Variants in HDAC9 observed in about 807,000 individuals in gnomAD.
HDAC9 encodes histone deacetylase 9.
Under a neutral mutation model 139.4 loss-of-function variants are expected in HDAC9, and 41 were observed. That is an observed-to-expected ratio of 0.29 (90% CI 0.23 to 0.38). The LOEUF (loss-of-function observed/expected upper bound fraction) is 0.38. Among genes scored for constraint, HDAC9 ranks in the 10% least tolerant of loss-of-function variants. The probability of loss-of-function intolerance (pLI) is 1.00; values close to 1 mark genes in which losing one functional copy is unlikely to be tolerated. For missense variants in HDAC9, 1,147 were observed against 1,297.0 expected (o/e 0.88, Z 1.78); for synonymous variants, 517 against 476.2 (o/e 1.09, Z -1.12).
At chr7:18,682,614 A>G (rs1258802432) in intron 12 of HDAC9, among the ~76,000 whole-genome samples, 1 of 152,020 alleles carries the variant, frequency 6.6e-6, no homozygotes, top group Non-Finnish European at 1.5e-5. Context: ...TTTTTTTTAT[A>G]AAGGTCTTTT....
At chr7:18,991,479 T>C (rs1168016629) in intron 25 of HDAC9, among the ~76,000 whole-genome samples, 2 of 151,986 alleles carry the variant, frequency 1.3e-5, no homozygotes, top group African/African-American at 4.8e-5. Flanking sequence ...CTACTAAAAA[T>C]ACAAAAAATT....
At chr7:18,351,961 TGTGTGGAACAGA>T (rs754540715) in intron 1 of HDAC9, among the ~76,000 whole-genome samples, 4 of 152,150 alleles carry the variant, frequency 2.6e-5, no homozygotes, top group Non-Finnish European at 5.9e-5. Flanking sequence ...TTGGAAGGTG[TGTGTGGAACAGA>T]ACAGAACTAG....
rs575358425 is a variant in HDAC9, at chr7:18,706,348, C to G, written c.1732-21232C>G. 2.6e-5 allele frequency among the ~76,000 whole-genome samples: 4 copies of G among 151,890 alleles called. No individual in the cohort carries two copies. The East Asian group carries it at 7.7e-4, about 29-fold the overall frequency. On this transcript the variant is annotated intron_variant, in intron 12 of 25. Transcript: ENST00000686413. ...AGACTTCGTTGATTTTTTTCAATAC[C>G]TACCATGGATCAAGGAAATTTGTTA... is the stretch of plus-strand genomic sequence containing the variant.
At chr7:18,540,273 CAAAAA>C (rs967501382) in intron 2 of HDAC9, among the ~76,000 whole-genome samples, 2 of 43,194 alleles carry the variant, frequency 4.6e-5, no homozygotes, top group East Asian at 7.0e-4. Flanking sequence ...AACTCCATCT[CAAAAA>C]AAAAAAAAAA....
In HDAC9 at chr7:18,537,981, C is replaced by G. The variant is rs539247838; in HGVS notation, c.22+41657C>G. Among the ~76,000 whole-genome samples, 3 of 152,302 alleles carry G rather than the reference C, an allele frequency of 2.0e-5. No homozygotes were observed. The East Asian group carries it at 5.8e-4, about 29-fold the overall frequency. ...CATCATCCTCTGTGCCCAACGTGAC[C>G]TCTGCTCTATTCTGTGCTTCACAAG... On this transcript the variant is annotated intron_variant, in intron 2 of 25. Transcript: ENST00000686413.
intron 1 of HDAC9, among the ~76,000 whole-genome samples, chr7:18,107,067 G>T (rs1783265223): frequency 6.6e-6 from 1 of 152,150 alleles, no homozygotes; most frequent in South Asian, 2.1e-4. Flanking sequence ...AAATGTAGTG[G>T]ACTGGGTATG....
intron 2 of HDAC9, among the ~76,000 whole-genome samples, chr7:18,271,794 G>T (rs989068742): frequency 6.6e-6 from 1 of 152,108 alleles, no homozygotes; most frequent in African/African-American, 2.4e-5. Flanking sequence ...CCTGCCTTCT[G>T]CAGGAATCTA....
chr7:18,477,309 CT>C (rs1795186258), intron 1 of HDAC9, among the ~76,000 whole-genome samples: 1 of 152,154 alleles, frequency 6.6e-6, no homozygotes, highest in African/African-American at 2.4e-5. Context: ...TGAGACCTTA[CT>C]TGGTCCCCAC....
intron 2 of HDAC9, among the ~76,000 whole-genome samples, chr7:18,511,434 A>G (rs1166291463): frequency 6.6e-6 from 1 of 152,146 alleles, no homozygotes; most frequent in Non-Finnish European, 1.5e-5. Flanking sequence ...TTAGATGACT[A>G]CAAACCAAAC....
At chr7:18,218,418 TG>T (rs1229418014) in intron 2 of HDAC9, among the ~76,000 whole-genome samples, 1 of 152,056 alleles carries the variant, frequency 6.6e-6, no homozygotes, top group African/African-American at 2.4e-5. Flanking sequence ...CACTCCAGCC[TG>T]GGAGACAGGG....
intron 1 of HDAC9, among the ~76,000 whole-genome samples, chr7:18,140,748 A>G (rs1158747691): frequency 6.6e-6 from 1 of 152,062 alleles, no homozygotes; most frequent in African/African-American, 2.4e-5. Flanking sequence ...GAACATACAC[A>G]TATATAGAAT....
At chr7:18,762,393 AC>A (rs1789468968) in intron 15 of HDAC9, 116 bp downstream of exon 15, 4 of 1,168,454 alleles carry the variant, frequency 3.4e-6, no homozygotes, top group Admixed American at 2.2e-5. Context: ...AGTTTTTCCA[AC>A]AGCTTTGCTC....
At chr7:18,277,381 C>T (rs1029268358) in intron 2 of HDAC9, among the ~76,000 whole-genome samples, 2 of 152,082 alleles carry the variant, frequency 1.3e-5, no homozygotes, top group Non-Finnish European at 2.9e-5. Context: ...CGAGATGGGG[C>T]AGACAAGCAG....
At chr7:18,971,195 A>T (rs918966815) in intron 24 of HDAC9, among the ~76,000 whole-genome samples, 1 of 152,206 alleles carries the variant, frequency 6.6e-6, no homozygotes, top group Non-Finnish European at 1.5e-5. Context: ...CCAGAAAAAA[A>T]CAAAAACACA....
At chr7:18,234,089 G>T (rs1793654614) in intron 2 of HDAC9, among the ~76,000 whole-genome samples, 1 of 152,168 alleles carries the variant, frequency 6.6e-6, no homozygotes, top group Non-Finnish European at 1.5e-5. Context: ...GGTGATGTGT[G>T]TTAGATTACG....
chr7:18,427,378 T>C (rs1790214001), intron 1 of HDAC9, among the ~76,000 whole-genome samples: 1 of 152,106 alleles, frequency 6.6e-6, no homozygotes, highest in African/African-American at 2.4e-5. Context: ...AACATTTGAA[T>C]GTTAGGTCTC....
At chr7:18,501,350 T>C (rs2128155898) in intron 2 of HDAC9, among the ~76,000 whole-genome samples, 1 of 152,222 alleles carries the variant, frequency 6.6e-6, no homozygotes, top group South Asian at 2.1e-4. Context: ...CTTCCCTTTC[T>C]GAGCAGGGAC....
chr7:18,716,574 A>G (rs1294391219), intron 12 of HDAC9, among the ~76,000 whole-genome samples: 3 of 152,152 alleles, frequency 2.0e-5, no homozygotes, highest in Admixed American at 6.5e-5. Flanking sequence ...GCATAGTGCA[A>G]CCAAATTAGT....
intron 1 of HDAC9, among the ~76,000 whole-genome samples, chr7:18,387,196 A>C (rs1361718620): frequency 1.3e-5 from 2 of 152,200 alleles, no homozygotes; most frequent in East Asian, 3.8e-4. Flanking sequence ...ATGTTTCAGC[A>C]TGGGCTGGAT....
Sources: gnomAD v4.1 joint callset for allele counts (sites outside exome capture counted in the v4.1 genomes callset) on GRCh38, gnomAD v4.1.1 for gene constraint, MANE v1.5 for transcripts, NCBI Gene and HGNC (gene_info 2026-07-23, HGNC 2026-07-21) for gene names.